The following TMEM74 variants were observed in gnomAD, a reference collection of about 807,000 sequenced individuals.
The protein encoded by TMEM74 is transmembrane protein 74.
Under a neutral mutation model 18.1 loss-of-function variants are expected in TMEM74, and 13 were observed. The ratio of observed to expected loss-of-function variants is 0.72; its 90% CI spans 0.47 to 1.14. TMEM74 has a LOEUF of 1.14. Among genes scored for constraint, TMEM74 ranks in the 50% most tolerant of loss-of-function variants. The probability of loss-of-function intolerance (pLI) is 0.00; values close to 1 mark genes in which losing one functional copy is unlikely to be tolerated. For missense variants in TMEM74, 372 were observed against 375.9 expected (o/e 0.99, Z 0.09); for synonymous variants, 159 against 146.6 (o/e 1.08, Z -0.61).
At chr8:108,639,267 TTA>T (rs1812638579) in intron 2 of TMEM74, among the ~76,000 whole-genome samples, 1 of 152,128 alleles carries the variant, frequency 6.6e-6, no homozygotes, top group Non-Finnish European at 1.5e-5. Flanking sequence ...TATTTTCAGT[TTA>T]TATATGAGTA....
rs1003014626 is a variant in TMEM74, at chr8:108,754,501, T to A, written n.119+32975A>T. Among the ~76,000 whole-genome samples, 4 of 151,864 alleles carry A rather than the reference T, an allele frequency of 2.6e-5. No homozygotes were observed. The South Asian group carries it at 8.3e-4, about 31-fold the overall frequency. Reference sequence around the variant, plus strand: ...ATAAAATATGGCAAACATGATAGGATGTCACTGGGTGATTATGTTACATTA... The same window carrying A: ...ATAAAATATGGCAAACATGATAGGAAGTCACTGGGTGATTATGTTACATTA... On this transcript the variant is annotated intron_variant and non_coding_transcript_variant, in intron 1 of 3. Coordinates refer to the TMEM74 transcript ENST00000518838.
At chr8:108,657,857 AAAATATATATATATATATAT>A (rs1233089336) in intron 1 of TMEM74, among the ~76,000 whole-genome samples, 4 of 62,288 alleles carry the variant, frequency 6.4e-5, no homozygotes, top group East Asian at 6.3e-4. Flanking sequence ...AAAAAAAAAA[AAAATATATATATATATATAT>A]ATATATATAT....
chr8:108,772,883 C>T (rs1039894940), intron 1 of TMEM74, among the ~76,000 whole-genome samples: 1 of 152,044 alleles, frequency 6.6e-6, no homozygotes, highest in Admixed American at 6.6e-5. Context: ...ATAAAAGGAC[C>T]TACCTCACAG....
At chr8:108,647,582 A>G (rs141368326) in intron 2 of TMEM74, among the ~76,000 whole-genome samples, 18 of 152,288 alleles carry the variant, frequency 1.2e-4, no homozygotes, top group African/African-American at 4.1e-4. Context: ...TTTTAAAAAA[A>G]CATTAGTAGC....
chr8:108,728,560 A>G (rs1017603233), intron 1 of TMEM74, among the ~76,000 whole-genome samples: 2 of 152,162 alleles, frequency 1.3e-5, no homozygotes, highest in African/African-American at 4.8e-5. Context: ...CCAGTATGCC[A>G]TAGCACACTG....
At chr8:108,630,393 C>G (rs1252923340) in intron 2 of TMEM74, among the ~76,000 whole-genome samples, 3 of 152,036 alleles carry the variant, frequency 2.0e-5, no homozygotes, top group African/African-American at 7.2e-5. Flanking sequence ...GACTTTAACA[C>G]CCCAATGTCA....
At chr8:108,760,996 G>GTGTA (rs1814037533) in intron 1 of TMEM74, among the ~76,000 whole-genome samples, 1 of 151,728 alleles carries the variant, frequency 6.6e-6, no homozygotes, top group Non-Finnish European at 1.5e-5. Context: ...GTGTGTGTGT[G>GTGTA]TTAAATTTTA....
intron 1 of TMEM74, among the ~76,000 whole-genome samples, chr8:108,786,438 C>T (rs369342388): frequency 1.3e-5 from 2 of 152,298 alleles, no homozygotes; most frequent in African/African-American, 4.8e-5. Context: ...AAATCCACAG[C>T]TCCAAAGCTG....
At chr8:108,718,902 A>G (rs1003061786) in intron 1 of TMEM74, among the ~76,000 whole-genome samples, 24 of 152,030 alleles carry the variant, frequency 1.6e-4, no homozygotes, top group Non-Finnish European at 3.4e-4. Flanking sequence ...ATAAAGAGAT[A>G]ATGAATGAAA....
chr8:108,683,777 T>C (rs1813139193), intron 1 of TMEM74, among the ~76,000 whole-genome samples: 3 of 152,114 alleles, frequency 2.0e-5, no homozygotes, highest in Admixed American at 2.0e-4. Flanking sequence ...TCCCAGTCTC[T>C]GGTATCCTCT....
chr8:108,752,284 C>A (rs1252461052), intron 1 of TMEM74, among the ~76,000 whole-genome samples: 1 of 152,002 alleles, frequency 6.6e-6, no homozygotes, highest in Non-Finnish European at 1.5e-5. Context: ...TCTAAGATAA[C>A]AAAAGTTCTT....
chr8:108,728,317 CTA>C (rs767498631), intron 1 of TMEM74, among the ~76,000 whole-genome samples: 3 of 152,010 alleles, frequency 2.0e-5, no homozygotes, highest in Admixed American at 6.6e-5. Context: ...AGCATTTTTC[CTA>C]TGAGAACAAG....
chr8:108,745,537 C>G (rs1202136544), intron 1 of TMEM74, among the ~76,000 whole-genome samples: 1 of 152,048 alleles, frequency 6.6e-6, no homozygotes, highest in Non-Finnish European at 1.5e-5. Flanking sequence ...ATTTGTCCCA[C>G]GGGTTGTAAT....
At chr8:108,627,993 G>T (rs770226249) in intron 2 of TMEM74, among the ~76,000 whole-genome samples, 1 of 152,042 alleles carries the variant, frequency 6.6e-6, no homozygotes, top group Admixed American at 6.6e-5. Flanking sequence ...GGGTGGTGAA[G>T]GTTGCAATTA....
chr8:108,688,702 G>A (rs572088682), intron 1 of TMEM74, among the ~76,000 whole-genome samples: 26 of 152,250 alleles, frequency 1.7e-4, no homozygotes, highest in African/African-American at 6.0e-4. Context: ...AATTTATGGG[G>A]AGCAAAGGAA....
intron 2 of TMEM74, among the ~76,000 whole-genome samples, chr8:108,631,007 A>G (rs1338806011): frequency 6.6e-6 from 1 of 151,964 alleles, no homozygotes; most frequent in African/African-American, 2.4e-5. Flanking sequence ...ACCGGGACCA[A>G]ATAGACATGG....
chr8:108,618,984 G>T (rs1586235811), intron 2 of TMEM74, among the ~76,000 whole-genome samples: 1 of 152,094 alleles, frequency 6.6e-6, no homozygotes, highest in African/African-American at 2.4e-5. Context: ...CTTTCTAAAA[G>T]TGTTGATCTC....
intron 1 of TMEM74, among the ~76,000 whole-genome samples, chr8:108,769,954 T>TC (rs1037956297): frequency 6.6e-6 from 1 of 152,098 alleles, no homozygotes; most frequent in Admixed American, 6.6e-5. Flanking sequence ...TAGCATCTTT[T>TC]TTTTTTTTTA....
intron 2 of TMEM74, among the ~76,000 whole-genome samples, chr8:108,631,085 G>T (rs564414729): frequency 6.6e-6 from 1 of 151,962 alleles, no homozygotes; most frequent in South Asian, 2.1e-4. Context: ...AAGCCACTTG[G>T]ACATGGGAAG....
Sources: allele counts gnomAD v4.1 joint callset (sites outside exome capture counted in the v4.1 genomes callset), GRCh38; gene constraint gnomAD v4.1.1; transcripts MANE v1.5; gene names NCBI Gene and HGNC (gene_info 2026-07-23, HGNC 2026-07-21).